Variants in PACRG observed in about 807,000 individuals in gnomAD.
The protein encoded by PACRG is parkin coregulated gene protein.
PACRG carries 29 observed loss-of-function variants against 29.7 expected under a neutral mutation model. The ratio of observed to expected loss-of-function variants is 0.98; its 90% CI spans 0.73 to 1.33. The LOEUF (loss-of-function observed/expected upper bound fraction) is 1.33, where lower values mean the gene tolerates loss of function less well. PACRG is among the 40% of genes most tolerant of loss of function. The probability of loss-of-function intolerance (pLI) is 0.00; values close to 1 mark genes in which losing one functional copy is unlikely to be tolerated. For missense variants in PACRG, 279 were observed against 316.2 expected (o/e 0.88, Z 0.89); for synonymous variants, 116 against 118.7 (o/e 0.98, Z 0.15).
chr6:162,983,456 G>GT (rs1391372756), intron 2 of PACRG, among the ~76,000 whole-genome samples: 2 of 151,782 alleles, frequency 1.3e-5, no homozygotes, highest in African/African-American at 4.8e-5. Flanking sequence ...TCAAGGTTTT[G>GT]TTTCAAGATT....
At chr6:163,093,072 G>C (rs183545308) in intron 4 of PACRG, among the ~76,000 whole-genome samples, 1 of 152,214 alleles carries the variant, frequency 6.6e-6, no homozygotes, top group African/African-American at 2.4e-5. Flanking sequence ...GAAAGACTCA[G>C]ATTCATTCAC....
chr6:162,728,173 A>G lies in PACRG; in HGVS notation c.-63A>G, dbSNP rs1214222624. The stretch of plus-strand genomic sequence containing the variant: ...ATTTTTTTCCAGACCTCCTGCTCAC[A>G]TCCGTAAAGCCCACTGATTCTTTTA... On this transcript the variant is annotated 5_prime_UTR_variant, in exon 1 of 5. Transcript: ENST00000366888. 1 of 1,572,254 alleles carries G rather than the reference A, an allele frequency of 6.4e-7. No homozygotes were observed. Among genetic ancestry groups the G allele is most frequent in the Non-Finnish European group, 8.6e-7 (1 of 1,156,092 alleles).
intron 4 of PACRG, among the ~76,000 whole-genome samples, chr6:163,269,056 A>G (rs1783640553): frequency 6.6e-6 from 1 of 152,368 alleles, no homozygotes; most frequent in South Asian, 2.1e-4. Context: ...AAAAGATCCT[A>G]TCGAGAGTGT....
intron 2 of PACRG, among the ~76,000 whole-genome samples, chr6:163,010,865 C>A (rs1475183737): frequency 6.6e-6 from 1 of 152,194 alleles, no homozygotes; most frequent in Non-Finnish European, 1.5e-5. Context: ...AGAGGCTGTG[C>A]AGTGACTGAG....
intron 2 of PACRG, among the ~76,000 whole-genome samples, chr6:162,854,461 T>A (rs1168497317): frequency 6.6e-6 from 1 of 152,174 alleles, no homozygotes; most frequent in Non-Finnish European, 1.5e-5. Context: ...GACCTCCAGA[T>A]AATGCTGTCT....
At chr6:163,259,458 T>C (rs1320617154) in intron 4 of PACRG, among the ~76,000 whole-genome samples, 6 of 152,146 alleles carry the variant, frequency 3.9e-5, no homozygotes, top group African/African-American at 9.6e-5. Context: ...GCTGACCTCT[T>C]CAGCCACTGA....
rs186323068 is a variant in PACRG at position 163,263,504 on chromosome 6, G to A, written c.614-51323G>A. ...AGGTCAAGTCTGTGCAGAAATATGT[G>A]ACTATTGAACACCCTCCTCTTCTCA... is the stretch of plus-strand genomic sequence containing the variant. On this transcript the variant is annotated intron_variant, in intron 4 of 4. Transcript: ENST00000366888. 1.1e-4 allele frequency among the ~76,000 whole-genome samples: 17 copies of A among 152,244 alleles called. No homozygotes were observed. In the East Asian group the frequency reaches 3.1e-3, roughly 28 times the overall value.
intron 2 of PACRG, among the ~76,000 whole-genome samples, chr6:162,815,103 G>A (rs1046224308): frequency 2.6e-5 from 4 of 152,060 alleles, no homozygotes; most frequent in African/African-American, 9.7e-5. Flanking sequence ...TCAACTAAAA[G>A]GGCTTCTCTG....
intron 4 of PACRG, among the ~76,000 whole-genome samples, chr6:163,147,948 T>A (rs1438930205): frequency 6.6e-6 from 1 of 152,188 alleles, no homozygotes; most frequent in Admixed American, 6.5e-5. Flanking sequence ...CCCCTTTCAA[T>A]CCTCCGTGCT....
intron 4 of PACRG, among the ~76,000 whole-genome samples, chr6:163,178,022 G>C (rs757089871): frequency 2.0e-4 from 30 of 152,234 alleles, no homozygotes; most frequent in Middle Eastern, 6.8e-3. Context: ...ACTCAAGACA[G>C]AACAAGGAGT....
At chr6:162,933,956 A>G (rs958328519) in intron 2 of PACRG, among the ~76,000 whole-genome samples, 6 of 152,130 alleles carry the variant, frequency 3.9e-5, no homozygotes, top group Non-Finnish European at 5.9e-5. Flanking sequence ...CAGCCTTCAC[A>G]TAAACGAATA....
intron 3 of PACRG, among the ~76,000 whole-genome samples, chr6:163,064,432 AT>A (rs1811360138): frequency 6.6e-6 from 1 of 152,212 alleles, no homozygotes; most frequent in Admixed American, 6.5e-5. Context: ...CTAGATATGA[AT>A]TTGATGATTT....
chr6:162,791,307 G>GTTTTTTTT lies in PACRG; in HGVS notation c.157-22837_157-22836insTTTTTTTT, dbSNP rs141410582. On this transcript the variant is annotated intron_variant, in intron 1 of 4. Coordinates refer to ENST00000366888, the MANE Select transcript of PACRG (RefSeq NM_001080379.2). ...CCCCACTCTGACTCCTAGTTTGTTT[G>GTTTTTTTT]TTTGTTTTTTTTTTTTTTGCTTTGC... Among the ~76,000 whole-genome samples the GTTTTTTTT allele has an allele frequency of 1.0e-3, 123 of 117,764 alleles. 2 individuals carry two copies. The highest frequency in any genetic ancestry group is 5.0e-3 in the Middle Eastern group (1 of 200). 77.3% of individuals were successfully genotyped at this position (117,764 alleles called of 152,430 possible).
intron 1 of PACRG, among the ~76,000 whole-genome samples, chr6:162,742,162 G>A (rs1343884859): frequency 1.3e-5 from 2 of 152,060 alleles, no homozygotes; most frequent in Non-Finnish European, 1.5e-5. Flanking sequence ...GTCCTCACCC[G>A]AATCTCATCT....
chr6:163,240,852 G>A (rs557855583), intron 4 of PACRG, among the ~76,000 whole-genome samples: 1 of 152,288 alleles, frequency 6.6e-6, no homozygotes, highest in South Asian at 2.1e-4. Context: ...TCAAGTAAAC[G>A]AGGGCTGCAT....
intron 4 of PACRG, among the ~76,000 whole-genome samples, chr6:163,157,634 A>G (rs10945875): frequency 0.24 from 36,052 of 152,118 alleles, 5,412 homozygotes; most frequent in African/African-American, 0.42. Context: ...ACACTAATAT[A>G]AGAACAGTTA....
At chr6:162,793,137 A>G (rs11969446) in intron 1 of PACRG, among the ~76,000 whole-genome samples, 5,222 of 152,276 alleles carry the variant, frequency 0.034, 274 homozygotes, top group African/African-American at 0.11. Context: ...CCACCATTTT[A>G]CAGTCCATTT....
At chr6:162,905,623 G>C (rs552502193) in intron 2 of PACRG, among the ~76,000 whole-genome samples, 77 of 152,264 alleles carry the variant, frequency 5.1e-4, no homozygotes, top group Non-Finnish European at 8.7e-4. Flanking sequence ...AAGGGAGAGA[G>C]GGAGACAGGG....
At chr6:162,885,316 C>G (rs1017433896) in intron 2 of PACRG, among the ~76,000 whole-genome samples, 3 of 149,618 alleles carry the variant, frequency 2.0e-5, no homozygotes, top group African/African-American at 7.4e-5. Context: ...GTTGCCCAGG[C>G]TGGAGTGCAG....
Sources: gnomAD v4.1 joint callset for allele counts (sites outside exome capture counted in the v4.1 genomes callset) on GRCh38, gnomAD v4.1.1 for gene constraint, MANE v1.5 for transcripts, NCBI Gene and HGNC (gene_info 2026-07-23, HGNC 2026-07-21) for gene names.